Variants in ITCH observed in about 807,000 individuals in gnomAD.
ITCH encodes itchy E3 ubiquitin protein ligase, also known as E3 ubiquitin-protein ligase Itchy homolog.
In ITCH, 28 loss-of-function variants were observed where a neutral mutation model predicts 126.8. The observed-to-expected ratio is 0.22, with a 90% CI of 0.16 to 0.30. ITCH has a LOEUF of 0.30. Ranked by LOEUF, ITCH falls within the 10% of genes least tolerant of loss-of-function variation. The pLI, the probability that ITCH is intolerant of heterozygous loss-of-function variation, is 1.00. For missense variants in ITCH, 631 were observed against 1,032.4 expected (o/e 0.61, Z 5.33); for synonymous variants, 342 against 340.0 (o/e 1.01, Z -0.06).
intron 16 of ITCH, among the ~76,000 whole-genome samples, chr20:34,475,667 G>T (rs1196712082): frequency 6.6e-6 from 1 of 151,620 alleles, no homozygotes; most frequent in Non-Finnish European, 1.5e-5. Flanking sequence ...GAGCGAGACC[G>T]TGGGGAGAGG....
At chr20:34,495,312 T>C (rs1457423075) in intron 23 of ITCH, among the ~76,000 whole-genome samples, 1 of 128,642 alleles carries the variant, frequency 7.8e-6, no homozygotes, top group South Asian at 2.3e-4. Context: ...TATATATATA[T>C]ATATACACAC....
chr20:34,445,860 C>CT (rs1434689601), intron 11 of ITCH, among the ~76,000 whole-genome samples: 1 of 152,142 alleles, frequency 6.6e-6, no homozygotes, highest in Non-Finnish European at 1.5e-5. Flanking sequence ...AGTTTAACCA[C>CT]TTTTTACCAT....
chr20:34,402,138 A>C, intron 3 of ITCH: 9 of 1,023,048 alleles, frequency 8.8e-6, no homozygotes, highest in East Asian at 2.4e-5. Context: ...AGGGCTCTGG[A>C]GAGATGTTCC....
intron 2 of ITCH, among the ~76,000 whole-genome samples, chr20:34,386,781 G>T (rs2038298405): frequency 6.6e-6 from 1 of 152,040 alleles, no homozygotes; most frequent in Admixed American, 6.6e-5. Flanking sequence ...CTATAAATAA[G>T]ATACATATTT....
intron 13 of ITCH, among the ~76,000 whole-genome samples, chr20:34,457,947 CA>C (rs912660500): frequency 6.8e-6 from 1 of 148,144 alleles, no homozygotes; most frequent in South Asian, 2.2e-4. Flanking sequence ...AGGGCTGTTT[CA>C]AAAAAAAAGA....
At chr20:34,454,817 G>GTTTTTTTTTTTTTTTTTTTTTTTT (rs200486269) in intron 12 of ITCH, among the ~76,000 whole-genome samples, 1 of 109,538 alleles carries the variant, frequency 9.1e-6, no homozygotes, top group Admixed American at 1.0e-4. Context: ...TTCTTTTCCT[G>GTTTTTTTTTTTTTTTTTTTTTTTT]TTTTTTTTTT....
In ITCH at chr20:34,408,778, G is replaced by A; in HGVS notation, c.198G>A (p.Lys66=). ...ACAACACAAACAGTCCCAAGTGGAA[G>A]CAACCCCTTACAGTGTAAGCTTGGA... is the stretch of plus-strand genomic sequence containing the variant. ...KCNNTNSPKW[K]QPLTVIVTPV... The change falls in exon 4 of 25, where the codon AAG becomes AAA. Residue 66 remains lysine (K), a synonymous_variant. Transcript: ENST00000374864. The A allele has an allele frequency of 6.2e-7, 1 of 1,614,018 alleles. No individual in the cohort carries two copies. The highest frequency in any genetic ancestry group is 1.3e-5 in the African/African-American group (1 of 75,036).
At chr20:34,377,646 T>C (rs2037898069) in intron 2 of ITCH, among the ~76,000 whole-genome samples, 1 of 151,742 alleles carries the variant, frequency 6.6e-6, no homozygotes, top group Non-Finnish European at 1.5e-5. Flanking sequence ...GGCAGATCGC[T>C]TGAGCCCAGG....
At chr20:34,387,428 C>T (rs1162267370) in intron 2 of ITCH, among the ~76,000 whole-genome samples, 2 of 151,952 alleles carry the variant, frequency 1.3e-5, no homozygotes, top group Non-Finnish European at 2.9e-5. Flanking sequence ...CCCAGGAGTT[C>T]GAGACTAGCC....
chr20:34,404,264 C>T (rs1169331853), intron 3 of ITCH, among the ~76,000 whole-genome samples: 1 of 151,886 alleles, frequency 6.6e-6, no homozygotes, highest in African/African-American at 2.4e-5. Context: ...GAAAGTAGTA[C>T]ATTGATTTAT....
At chr20:34,454,959 A>G (rs1422067097) in intron 12 of ITCH, among the ~76,000 whole-genome samples, 1 of 150,324 alleles carries the variant, frequency 6.7e-6, no homozygotes, top group African/African-American at 2.5e-5. Context: ...TCTCCCTAGT[A>G]GCTGGGATTA....
At chr20:34,495,097 C>CAA (rs71194611) in intron 23 of ITCH, among the ~76,000 whole-genome samples, 32 of 110,346 alleles carry the variant, frequency 2.9e-4, no homozygotes, top group African/African-American at 9.4e-4. Flanking sequence ...ACGAAAAATA[C>CAA]AAAAAAAAAA....
rs1291575831 is a variant in ITCH, at chr20:34,442,257, G to A, written c.919G>A (p.Val307Ile). 1.2e-6 allele frequency: 2 copies of A among 1,613,920 alleles called. No homozygotes were observed. The highest frequency in any genetic ancestry group is 1.7e-6 in the Non-Finnish European group (2 of 1,179,942). ...QHGRVYYVDH[V>I]EKRTTWDRPE... ...CGGGCGAGTTTACTATGTAGATCAT[G>A]TTGAGAAAAGAACAACATGGGATAG... The change falls in exon 10 of 25, where the codon GTT (valine) becomes ATT (isoleucine). Residue 307 changes from valine (V) to isoleucine (I), a missense_variant. Val to Ile is a conservative substitution (Grantham distance 29). Transcript: ENST00000374864.
chr20:34,417,092 T>C, intron 6 of ITCH: 1 of 641,754 alleles, frequency 1.6e-6, no homozygotes, highest in Non-Finnish European at 2.9e-6. Flanking sequence ...ATTTGCTATT[T>C]AGGTAGACTT....
chr20:34,385,222 G>GGTT (rs1333441970), intron 2 of ITCH, among the ~76,000 whole-genome samples: 96 of 85,130 alleles, frequency 1.1e-3, no homozygotes, highest in East Asian at 3.2e-3. Context: ...TGTGTGTGTG[G>GGTT]TTTTTTTTTT....
intron 16 of ITCH, among the ~76,000 whole-genome samples, chr20:34,471,936 C>G (rs373381858): frequency 1.3e-5 from 2 of 152,124 alleles, no homozygotes; most frequent in African/African-American, 4.8e-5. Context: ...CTTGTTTTAA[C>G]ACTTCAGTAT....
intron 7 of ITCH, among the ~76,000 whole-genome samples, chr20:34,433,656 C>A (rs1443501449): frequency 5.4e-3 from 619 of 114,748 alleles, no homozygotes; most frequent in South Asian, 6.0e-3. Context: ...AACAATGTCT[C>A]AAAAAAAAAA....
intron 23 of ITCH, among the ~76,000 whole-genome samples, chr20:34,503,526 T>C (rs895252021): frequency 6.6e-6 from 1 of 152,216 alleles, no homozygotes; most frequent in Non-Finnish European, 1.5e-5. Context: ...AATATGGAAT[T>C]CACTAGGATA....
Position 34,481,091 on chromosome 20 carries a change from T to C in ITCH, c.1978T>C (p.Leu660=). The C allele has an allele frequency of 6.2e-7, 1 of 1,613,616 alleles. No homozygotes were observed. Among genetic ancestry groups the C allele is most frequent in the Non-Finnish European group, 8.5e-7 (1 of 1,179,688 alleles). ...GGAAAACAATATTGAGGAATGTGAT[T>C]TGGAAATGTACTTCTCCGTTGACAA... is the stretch of plus-strand genomic sequence containing the variant. ...VKENNIEECD[L]EMYFSVDKEI... Residue 660 remains leucine, a synonymous_variant, in exon 20 of 25, where the codon TTG becomes CTG. Coordinates refer to ENST00000374864, the MANE Select transcript of ITCH (RefSeq NM_031483.7).
Sources: gnomAD v4.1 joint callset for allele counts (sites outside exome capture counted in the v4.1 genomes callset) on GRCh38, gnomAD v4.1.1 for gene constraint, MANE v1.5 for transcripts, NCBI Gene and HGNC (gene_info 2026-07-23, HGNC 2026-07-21) for gene names.